Variants in RBFOX1 observed in about 807,000 individuals in gnomAD.
RBFOX1 encodes RNA binding fox-1 homolog 1.
Under a neutral mutation model 57.7 loss-of-function variants are expected in RBFOX1, and 8 were observed. That is an observed-to-expected ratio of 0.14 (90% CI 0.08 to 0.25). The LOEUF is 0.25. Among genes scored for constraint, RBFOX1 ranks in the 10% least tolerant of loss-of-function variants. The pLI, the probability that RBFOX1 is intolerant of heterozygous loss-of-function variation, is 1.00. For missense variants in RBFOX1, 611 were observed against 548.5 expected (o/e 1.11, Z -1.14); for synonymous variants, 326 against 222.4 (o/e 1.47, Z -4.15).
intron 2 of RBFOX1, among the ~76,000 whole-genome samples, chr16:6,560,186 A>G (rs973325171): frequency 6.6e-6 from 1 of 151,812 alleles, no homozygotes; most frequent in African/African-American, 2.4e-5. Context: ...AAAAAAAAAA[A>G]AAAAAAAAGT....
At chr16:5,587,177 T>C (rs1012825921) in intron 2 of RBFOX1, among the ~76,000 whole-genome samples, 1 of 152,054 alleles carries the variant, frequency 6.6e-6, no homozygotes, top group South Asian at 2.1e-4. Context: ...GTTGGGAGAG[T>C]ATATATGCAA....
chr16:7,423,365 G>A (rs947446075), intron 4 of RBFOX1, among the ~76,000 whole-genome samples: 1 of 152,052 alleles, frequency 6.6e-6, no homozygotes, highest in African/African-American at 2.4e-5. Context: ...TGTGGGGGGT[G>A]GGGGTGCAGG....
chr16:5,758,562 A>G (rs900949841), intron 3 of RBFOX1, among the ~76,000 whole-genome samples: 5 of 152,180 alleles, frequency 3.3e-5, no homozygotes, highest in Non-Finnish European at 7.3e-5. Flanking sequence ...ACATTGTTTT[A>G]CAGTGACACT....
At chr16:6,371,844 A>G (rs1462820151) in intron 2 of RBFOX1, among the ~76,000 whole-genome samples, 2 of 152,208 alleles carry the variant, frequency 1.3e-5, no homozygotes, top group Non-Finnish European at 2.9e-5. Context: ...AGGATACATT[A>G]TCTAGGTTAA....
chr16:5,728,618 C>T (rs563309690), intron 3 of RBFOX1, among the ~76,000 whole-genome samples: 4 of 152,304 alleles, frequency 2.6e-5, no homozygotes, highest in Non-Finnish European at 2.9e-5. Flanking sequence ...TGTCACTCCT[C>T]GCACATGTGA....
intron 4 of RBFOX1, among the ~76,000 whole-genome samples, chr16:7,457,021 G>C (rs1567266102): frequency 6.6e-6 from 1 of 151,940 alleles, no homozygotes; most frequent in African/African-American, 2.4e-5. Flanking sequence ...CCAAGTAGCT[G>C]GGATTGCAGG....
At chr16:6,821,450 C>T (rs550744021) in intron 3 of RBFOX1, among the ~76,000 whole-genome samples, 18 of 152,300 alleles carry the variant, frequency 1.2e-4, no homozygotes, top group Admixed American at 2.6e-4. Context: ...TTCAGTGGCA[C>T]ATAGTGCATT....
chr16:6,482,544 G>T (rs2095388006), intron 2 of RBFOX1, among the ~76,000 whole-genome samples: 1 of 152,188 alleles, frequency 6.6e-6, no homozygotes, highest in African/African-American at 2.4e-5. Flanking sequence ...ATTATTCAAG[G>T]TACACATATT....
In RBFOX1 at chr16:6,493,639, T is replaced by C. The variant is rs561968125; in HGVS notation, c.-63-160964T>C. On this transcript the variant is annotated intron_variant, in intron 2 of 15. Transcript: ENST00000550418. ...AAAACACTGCAGTAACAAAACCCTT[T>C]ATATAGCCTTTCAATTTGCTGTAAG... Among the ~76,000 whole-genome samples, 5 of 152,318 alleles carry C rather than the reference T, an allele frequency of 3.3e-5. No individual in the cohort carries two copies. In the East Asian group the frequency reaches 9.6e-4, roughly 29 times the overall value.
chr16:6,128,725 A>G (rs2152666528), intron 1 of RBFOX1, among the ~76,000 whole-genome samples: 1 of 152,342 alleles, frequency 6.6e-6, no homozygotes, highest in African/African-American at 2.4e-5. Flanking sequence ...GTCCAGGGTG[A>G]CAGACTTCAC....
chr16:7,033,373 A>G (rs1394617516), intron 3 of RBFOX1, among the ~76,000 whole-genome samples: 2 of 152,300 alleles, frequency 1.3e-5, no homozygotes, highest in Admixed American at 1.3e-4. Context: ...TACAAAAATT[A>G]GCCAGATGTG....
intron 4 of RBFOX1, among the ~76,000 whole-genome samples, chr16:7,330,512 G>T (rs1352044575): frequency 2.5e-5 from 3 of 118,866 alleles, no homozygotes; most frequent in African/African-American, 1.2e-4. Context: ...GTGTGTGTTT[G>T]TGTGTGTGTG....
At chr16:7,084,976 GTCCATCCGTCCA>G (rs1445531341) in intron 4 of RBFOX1, among the ~76,000 whole-genome samples, 1 of 148,816 alleles carries the variant, frequency 6.7e-6, no homozygotes, top group African/African-American at 2.4e-5. Context: ...CTGTCTGTCT[GTCCATCCGTCCA>G]TCCATCCATG....
At chr16:7,545,927 A>G (rs941622824) in intron 5 of RBFOX1, among the ~76,000 whole-genome samples, 9 of 152,082 alleles carry the variant, frequency 5.9e-5, no homozygotes, top group African/African-American at 2.2e-4. Flanking sequence ...AGTCACGTGC[A>G]AAATCAGATG....
intron 3 of RBFOX1, among the ~76,000 whole-genome samples, chr16:6,792,873 A>G (rs1251331115): frequency 6.6e-6 from 1 of 152,056 alleles, no homozygotes; most frequent in Non-Finnish European, 1.5e-5. Context: ...TACTAAAAAT[A>G]CAAAAAATTA....
rs369517375 is a variant in RBFOX1, at chr16:7,055,522, T to C, written c.27+3424T>C. ...ATATCACGTTCTCACAGGGCAGCACTCTCATCAGAAGGAAGGAGAAGAGGA... is the reference window on the plus strand; with the variant it reads ...ATATCACGTTCTCACAGGGCAGCACCCTCATCAGAAGGAAGGAGAAGAGGA... On this transcript the variant is annotated intron_variant, in intron 4 of 15. Transcript: ENST00000550418. Among the ~76,000 whole-genome samples the C allele has an allele frequency of 1.2e-4, 19 of 152,266 alleles. No homozygotes were observed. The East Asian group carries it at 3.5e-3, about 28-fold the overall frequency.
chr16:6,750,616 G>C (rs749004722), intron 3 of RBFOX1, among the ~76,000 whole-genome samples: 9 of 152,220 alleles, frequency 5.9e-5, no homozygotes, highest in Non-Finnish European at 1.0e-4. Flanking sequence ...TATTTTGAAA[G>C]AAACATTGAG....
At chr16:6,259,821 C>T (rs751852006) in intron 1 of RBFOX1, among the ~76,000 whole-genome samples, 4 of 151,770 alleles carry the variant, frequency 2.6e-5, no homozygotes, top group Non-Finnish European at 4.4e-5. Flanking sequence ...AGTAGCCAGG[C>T]CTGGTGGTGC....
intron 4 of RBFOX1, among the ~76,000 whole-genome samples, chr16:7,112,241 C>G (rs1444211653): frequency 6.6e-6 from 1 of 152,124 alleles, no homozygotes; most frequent in African/African-American, 2.4e-5. Flanking sequence ...TGGGGTCTGT[C>G]TTCCAGGCTG....
Sources: gnomAD v4.1 joint callset for allele counts (sites outside exome capture counted in the v4.1 genomes callset) on GRCh38, gnomAD v4.1.1 for gene constraint, MANE v1.5 for transcripts, NCBI Gene and HGNC (gene_info 2026-07-23, HGNC 2026-07-21) for gene names.